ATG16L2: variants seen among roughly 807,000 people sequenced by gnomAD.
ATG16L2 encodes the protein protein Atg16l2.
ATG16L2 carries 77 observed loss-of-function variants against 84.7 expected under a neutral mutation model. The observed-to-expected ratio is 0.91, with a 90% CI of 0.76 to 1.10. The LOEUF (loss-of-function observed/expected upper bound fraction) is 1.10. Ranked by LOEUF, ATG16L2 falls within the 50% of genes least tolerant of loss-of-function variation. The pLI, the probability that ATG16L2 is intolerant of heterozygous loss-of-function variation, is 0.00. For missense variants in ATG16L2, 782 were observed against 817.6 expected, an observed-to-expected ratio of 0.96 and a Z score of 0.53; for synonymous variants, 361 against 342.8, an observed-to-expected ratio of 1.05 and a Z score of -0.59.
intron 4 of ATG16L2, 51 bp from the exon 5 acceptor site, chr11:72,821,993 G>C: frequency 6.8e-7 from 1 of 1,463,376 alleles, no homozygotes; most frequent in Non-Finnish European, 8.9e-7. Context: ...TTCCCACTGG[G>C]CAGTGACGGG....
rs1345896976 is a variant in ATG16L2, at chr11:72,822,962, G to A, written c.824+1G>A. The stretch of plus-strand genomic sequence containing the variant: ...GTGAGAAGTGGAAGAGGCCCTTCAG[G>A]TGAGGACCCAGGTGACAGTCTCAGA... On this transcript the variant is annotated splice_donor_variant, in intron 7 of 17. Coordinates refer to ENST00000321297, the MANE Select transcript of ATG16L2 (RefSeq NM_033388.2). LOFTEE classifies it high-confidence loss of function. This position sits in a 1 kb window ranked among gnomAD's most constrained non-coding sequence, Gnocchi z 4.2. 4 of 1,558,334 alleles carry A rather than the reference G, an allele frequency of 2.6e-6. No homozygotes were observed. Among genetic ancestry groups the A allele is most frequent in the South Asian group, 1.2e-5 (1 of 84,778 alleles).
At chr11:72,843,232 C>A in exon 6 of ATG16L2, 3 of 1,613,984 alleles carry the variant, frequency 1.9e-6, no homozygotes, top group Non-Finnish European at 2.5e-6. Flanking sequence ...CTGTCCAAAG[C>A]GGCCAGGGAC....
Position 72,826,162 on chromosome 11 carries a change from G to T in ATG16L2, c.1103-11G>T. 1 of 1,610,822 alleles carries T rather than the reference G, an allele frequency of 6.2e-7. No homozygotes were observed. On this transcript the variant is annotated splice_polypyrimidine_tract_variant and intron_variant, in intron 10 of 17. Coordinates refer to ENST00000321297, the MANE Select transcript of ATG16L2 (RefSeq NM_033388.2). ...CCTCATTTCAACTGTCCCTTCCCCT[G>T]GTCCTCCCAGGTCGCCTGGAGGCCA...
downstream of ATG16L2, among the ~76,000 whole-genome samples, chr11:72,832,248 T>C (rs1298340974): frequency 6.6e-6 from 1 of 152,180 alleles, no homozygotes; most frequent in African/African-American, 2.4e-5. Flanking sequence ...AGTGAGCCCT[T>C]CTCTCCCCCA....
intron 5 of ATG16L2, chr11:72,838,724 A>G: frequency 7.2e-7 from 1 of 1,397,142 alleles, no homozygotes; most frequent in Non-Finnish European, 9.9e-7. Flanking sequence ...AGGTGCCTAA[A>G]AAACAAGACT....
chr11:72,825,552 A>C, intron 10 of ATG16L2, 145 bp downstream of exon 10: 1 of 672,762 alleles, frequency 1.5e-6, no homozygotes, highest in East Asian at 2.7e-5. Context: ...AATGCCTTGG[A>C]AAGAGTGAGA....
rs59748827 is a variant in ATG16L2, at chr11:72,841,340, CAAAAAAAAAAAAA to C, written c.*22-1265_*22-1253del. On this transcript the variant is annotated intron_variant, in intron 5 of 5. Coordinates refer to the ATG16L2 transcript ENST00000534905. ...GCCCAGGTGACAGAGACTCTGTCTC[CAAAAAAAAAAAAA>C]AAAAAAAAAAAGCAAATGCAGTTTT... The C allele has an allele frequency of 7.8e-5, 29 of 373,872 alleles. 1 individual carries two copies. Among genetic ancestry groups the C allele is most frequent in the Admixed American group, 2.6e-4 (4 of 15,210 alleles). The allele number at this position is 373,872 out of a possible 1,614,324, so 23.2% of individuals were successfully genotyped here.
chr11:72,842,478 A>C, intron 5 of ATG16L2: 1 of 907,616 alleles, frequency 1.1e-6, no homozygotes, highest in Non-Finnish European at 1.6e-6. Flanking sequence ...TGGTTTCCCA[A>C]ATGCAGTTGT....
chr11:72,841,503 G>A (rs762246965), intron 5 of ATG16L2: 3 of 1,611,412 alleles, frequency 1.9e-6, no homozygotes, highest in Non-Finnish European at 2.5e-6. Context: ...TCTTATCTGG[G>A]CTGGGGTAGG....
In ATG16L2 at chr11:72,842,582, T is replaced by C. The variant is rs1362822106; in HGVS notation, c.*22-35T>C. The C allele has an allele frequency of 2.5e-6, 4 of 1,611,982 alleles. No homozygotes were observed. The African/African-American group carries it at 4.0e-5, about 16-fold the overall frequency. On this transcript the variant is annotated intron_variant, in intron 5 of 5. Transcript: ENST00000534905. ...CAGACCCTTTGGGAGCAATTTTCTT[T>C]AAACATCTTTTAATTCAACTGTCTC... is the stretch of plus-strand genomic sequence containing the variant.
At chr11:72,830,554 T>C (rs1860583969), downstream of ATG16L2, among the ~76,000 whole-genome samples, 1 of 152,162 alleles carries the variant, frequency 6.6e-6, no homozygotes, top group East Asian at 1.9e-4. Context: ...CCTGCAGCCT[T>C]AAACCCCTGG....
Position 72,822,940 on chromosome 11 carries a change from A to T in ATG16L2, c.803A>T (p.Glu268Val). The T allele has an allele frequency of 6.4e-7, 1 of 1,571,494 alleles. No individual in the cohort carries two copies. Among genetic ancestry groups the T allele is most frequent in the Non-Finnish European group, 8.6e-7 (1 of 1,157,604 alleles). ...EPEPLEKEAC[E>V]KWKRPFRSAS... ...GAGCCCCTGGAGAAGGAAGCTTGTG[A>T]GAAGTGGAAGAGGCCCTTCAGGTGA... The change falls in exon 7 of 18, where the codon GAG becomes GTG. Residue 268 changes from glutamate (E) to valine (V), a missense_variant. Coordinates refer to ENST00000321297, the MANE Select transcript of ATG16L2 (RefSeq NM_033388.2). The surrounding 1 kb of genome is among the most constrained non-coding windows in gnomAD (Gnocchi z 4.2).
At chr11:72,821,827 G>A (rs1022407227) in intron 4 of ATG16L2, 86 bp downstream of exon 4, 12 of 1,484,366 alleles carry the variant, frequency 8.1e-6, no homozygotes, top group African/African-American at 1.4e-5. Flanking sequence ...GGAATGGCGC[G>A]GGCCGAGATC....
At chr11:72,815,727 A>G (rs1334069796) in intron 1 of ATG16L2, among the ~76,000 whole-genome samples, 1 of 152,174 alleles carries the variant, frequency 6.6e-6, no homozygotes, top group Non-Finnish European at 1.5e-5. Context: ...GAACTAGGCC[A>G]GGCCCAGGGC....
intron 17 of ATG16L2, 50 bp downstream of exon 17, chr11:72,829,034 C>A: frequency 1.3e-6 from 2 of 1,577,422 alleles, no homozygotes; most frequent in South Asian, 1.1e-5. Flanking sequence ...TCCTGCCAGG[C>A]TGATTCCAGG....
chr11:72,825,227 G>A (rs2303969), intron 9 of ATG16L2, 75 bp from the exon 10 acceptor site: 402,710 of 1,140,424 alleles, frequency 0.35, 73,078 homozygotes, highest in South Asian at 0.48. Flanking sequence ...CACAGGCACC[G>A]GTAAGAGGGC....
At position 72,829,326 on chromosome 11, in the gene ATG16L2, G is replaced by A; in HGVS notation, c.1796G>A (p.Trp599Ter). 1 of 1,613,216 alleles carries A rather than the reference G, an allele frequency of 6.2e-7. No homozygotes were observed. Among genetic ancestry groups the A allele is most frequent in the Non-Finnish European group, 8.5e-7 (1 of 1,179,838 alleles). ...AGCGCTGCCGTCAACGCCGTGGCCT[G>A]GTGCTACTCCGGGAGCCACATGGTG... ...PHCAAVNAVA[W>*]CYSGSHMVSV... Residue 599 changes from tryptophan to a stop codon, truncating the protein, a stop_gained, in exon 18 of 18, where the codon TGG becomes TAG. Coordinates refer to ENST00000321297, the MANE Select transcript of ATG16L2 (RefSeq NM_033388.2). LOFTEE classifies it high-confidence loss of function.
At chr11:72,836,562 A>G (rs1348308175) in intron 5 of ATG16L2, among the ~76,000 whole-genome samples, 1 of 152,096 alleles carries the variant, frequency 6.6e-6, no homozygotes, top group African/African-American at 2.4e-5. Flanking sequence ...AGTACCCAGG[A>G]TATTACACCT....
intron 3 of ATG16L2, 41 bp downstream of exon 3, chr11:72,817,896 G>T: frequency 6.5e-7 from 1 of 1,547,640 alleles, no homozygotes; most frequent in Non-Finnish European, 8.8e-7. Context: ...AGAGAGATGT[G>T]GTCCAAGGGA....
Sources: gnomAD v4.1 joint callset for allele counts (sites outside exome capture counted in the v4.1 genomes callset) on GRCh38, gnomAD v4.1.1 for gene constraint, Gnocchi (gnomAD v3.1) non-coding constraint, MANE v1.5 for transcripts, NCBI Gene and HGNC (gene_info 2026-07-23, HGNC 2026-07-21) for gene names.